USP15: variants seen among roughly 807,000 people sequenced by gnomAD.
USP15 encodes ubiquitin specific peptidase 15.
In USP15, 18 loss-of-function variants were observed where a neutral mutation model predicts 127.1. The observed-to-expected ratio is 0.14, with a 90% confidence interval of 0.10 to 0.21. The LOEUF is 0.21. Ranked by LOEUF, USP15 falls within the 10% of genes least tolerant of loss-of-function variation. The pLI is 1.00. For missense variants in USP15, 805 were observed against 1,159.9 expected (o/e 0.69, Z 4.44); for synonymous variants, 364 against 393.7 (o/e 0.92, Z 0.89).
Position 62,378,670 on chromosome 12 carries a change from T to C in USP15, c.916-2820T>C, listed in dbSNP as rs189677139. Among the ~76,000 whole-genome samples, 19 of 152,220 alleles carry C rather than the reference T, an allele frequency of 1.2e-4. No homozygotes were observed. In the East Asian group the frequency reaches 1.4e-3, roughly 11 times the overall value. ...AGCAGAGGATCATTTACAAAGCAGA[T>C]AGTAGATTGAATGAAAAATCAGACA... On this transcript the variant is annotated intron_variant, in intron 8 of 21. Transcript: ENST00000280377.
rs894342440 is a variant in USP15, at chr12:62,411,396, C to T, written c.*7021C>T. On this transcript the variant is annotated 3_prime_UTR_variant, in exon 22 of 22. Transcript: ENST00000280377. ...TCATCAAATATTTTTTGAGTGTCCACTATGTGCCAGGCACTATTCTAGATT... is the reference window on the plus strand; with the variant it reads ...TCATCAAATATTTTTTGAGTGTCCATTATGTGCCAGGCACTATTCTAGATT... 3.3e-5 allele frequency: 5 copies of T among 152,164 alleles called. No homozygotes were observed. The highest frequency in any genetic ancestry group is 7.2e-5 in the African/African-American group (3 of 41,434). 9.4% of individuals were successfully genotyped at this position (152,164 alleles called of 1,614,324 possible).
At chr12:62,267,153 CTTTT>C (rs1308125262) in intron 1 of USP15, 1 of 151,990 alleles carries the variant, frequency 6.6e-6, no homozygotes, top group Non-Finnish European at 1.5e-5. Flanking sequence ...TAGCTTGTTT[CTTTT>C]AATTTCCTCA....
At chr12:62,302,979 T>C (rs760731953) in intron 3 of USP15, 59 bp downstream of exon 3, 1 of 1,541,428 alleles carries the variant, frequency 6.5e-7, no homozygotes, top group East Asian at 2.4e-5. Context: ...TCACATTTTA[T>C]TATTAATTCA....
chr12:62,355,825 C>CTTTTTT (rs201572809), intron 8 of USP15, among the ~76,000 whole-genome samples: 7 of 124,406 alleles, frequency 5.6e-5, no homozygotes, highest in South Asian at 2.6e-4. Context: ...CTTTTTTTTT[C>CTTTTTT]TTTTTTTTTT....
chr12:62,389,529 G>T lies in USP15; in HGVS notation c.1557+15G>T, dbSNP rs1182709936. 2 of 1,612,708 alleles carry T rather than the reference G, an allele frequency of 1.2e-6. No individual in the cohort carries two copies. The highest frequency in any genetic ancestry group is 3.3e-5 in the Admixed American group (2 of 59,826). On this transcript the variant is annotated intron_variant, in intron 12 of 21. Transcript: ENST00000280377. The stretch of plus-strand genomic sequence containing the variant: ...CTGCAGATAAGGTAAGATGTTTCTG[G>T]GGTTGAAGTATATAAGTTGGTATTT...
At chr12:62,370,535 T>C (rs2066628713) in intron 8 of USP15, among the ~76,000 whole-genome samples, 1 of 152,224 alleles carries the variant, frequency 6.6e-6, no homozygotes, top group Admixed American at 6.5e-5. Context: ...AGTTTCTTCA[T>C]CTGTGAAATG....
chr12:62,380,695 T>TAATGTAATACTGGGTTTGTATTGAGGTCA (rs2137564847), intron 8 of USP15, among the ~76,000 whole-genome samples: 1 of 152,194 alleles, frequency 6.6e-6, no homozygotes, highest in East Asian at 1.9e-4. Flanking sequence ...ATCTAATTGA[T>TAATGTAATACTGGGTTTGTATTGAGGTCA]AATGTAATAC....
intron 3 of USP15, among the ~76,000 whole-genome samples, chr12:62,309,840 T>TAA (rs560189738): frequency 2.1e-5 from 3 of 145,600 alleles, no homozygotes; most frequent in Admixed American, 6.9e-5. Flanking sequence ...TGTATGATCT[T>TAA]AAAAAAAAAA....
chr12:62,308,247 G>C (rs557171657), intron 3 of USP15, among the ~76,000 whole-genome samples: 1 of 152,152 alleles, frequency 6.6e-6, no homozygotes, highest in South Asian at 2.1e-4. Context: ...GAAGAACTGA[G>C]TGTATTTTGT....
chr12:62,310,554 C>CATGA (rs1313685288), intron 3 of USP15, among the ~76,000 whole-genome samples: 1 of 151,862 alleles, frequency 6.6e-6, no homozygotes, highest in Admixed American at 6.6e-5. Context: ...GCTCAAAAGA[C>CATGA]ATGATTTCAT....
At chr12:62,398,386 A>G (rs79105631) in intron 20 of USP15, among the ~76,000 whole-genome samples, 3,357 of 152,170 alleles carry the variant, frequency 0.022, 126 homozygotes, top group African/African-American at 0.075. Context: ...TCTTCTTACA[A>G]CTTCTTGAAT....
chr12:62,396,579 G>A (rs935422973), intron 20 of USP15, among the ~76,000 whole-genome samples, 181 bp downstream of exon 20: 5 of 151,724 alleles, frequency 3.3e-5, no homozygotes, highest in Admixed American at 6.6e-5. Flanking sequence ...ATAGGGTATA[G>A]AGAATTGAGT....
At chr12:62,299,092 T>A (rs1482898534) in intron 2 of USP15, among the ~76,000 whole-genome samples, 1 of 152,128 alleles carries the variant, frequency 6.6e-6, no homozygotes, top group Non-Finnish European at 1.5e-5. Context: ...GGACATCTCA[T>A]ATAAATGGAA....
intron 1 of USP15, among the ~76,000 whole-genome samples, chr12:62,272,072 T>C (rs1270319166): frequency 4.0e-5 from 6 of 151,736 alleles, no homozygotes; most frequent in African/African-American, 1.5e-4. Context: ...GTCAGTGAAA[T>C]ATCTGATTTA....
intron 8 of USP15, among the ~76,000 whole-genome samples, chr12:62,371,580 AT>A (rs2137527683): frequency 6.6e-6 from 1 of 152,286 alleles, no homozygotes; most frequent in South Asian, 2.1e-4. Context: ...CTTGTTTTTT[AT>A]ATGAGTGTTT....
chr12:62,414,966 TATC>T lies in USP15; in HGVS notation c.*10594_*10596del, dbSNP rs1039405542. Reference sequence around the variant, plus strand: ...TAGCTCTCTCCCTCATATATACACATATCATGTATATACATATATATCATATAT... The same window carrying T: ...TAGCTCTCTCCCTCATATATACACATATGTATATACATATATATCATATAT... On this transcript the variant is annotated 3_prime_UTR_variant, in exon 22 of 22. Transcript: ENST00000280377. 1 of 151,236 alleles carries T rather than the reference TATC, an allele frequency of 6.6e-6. No homozygotes were observed. The highest frequency in any genetic ancestry group is 1.5e-5 in the Non-Finnish European group (1 of 67,852). 9.4% of individuals were successfully genotyped at this position (151,236 alleles called of 1,614,324 possible).
chr12:62,335,515 C>A (rs1050238532), intron 6 of USP15: 17 of 1,143,872 alleles, frequency 1.5e-5, no homozygotes, highest in Admixed American at 4.4e-5. Context: ...GCTTCCTGGT[C>A]CTTGCTTTTT....
At chr12:62,387,071 G>A (rs895464022) in intron 11 of USP15, among the ~76,000 whole-genome samples, 6 of 152,136 alleles carry the variant, frequency 3.9e-5, no homozygotes, top group African/African-American at 1.4e-4. Context: ...AGTATTGAAC[G>A]TGGTGGCCTA....
At chr12:62,378,541 TTTG>T (rs2066901333) in intron 8 of USP15, among the ~76,000 whole-genome samples, 1 of 152,192 alleles carries the variant, frequency 6.6e-6, no homozygotes, top group Non-Finnish European at 1.5e-5. Flanking sequence ...TGATTTGTGT[TTTG>T]TTGTTATTTG....
Sources: allele counts gnomAD v4.1 joint callset (sites outside exome capture counted in the v4.1 genomes callset), GRCh38; gene constraint gnomAD v4.1.1; transcripts MANE v1.5; gene names NCBI Gene and HGNC (gene_info 2026-07-23, HGNC 2026-07-21).